PXDNL: variants seen among roughly 807,000 people sequenced by gnomAD.
PXDNL encodes peroxidasin like.
A neutral mutation model predicts 150.8 loss-of-function variants in PXDNL; 145 were observed. That is an observed-to-expected ratio of 0.96 (90% CI 0.84 to 1.10). The LOEUF (loss-of-function observed/expected upper bound fraction) is 1.10, where lower values mean the gene tolerates loss of function less well. Ranked by LOEUF, PXDNL falls within the 50% of genes least tolerant of loss-of-function variation. The pLI, the probability that PXDNL is intolerant of heterozygous loss-of-function variation, is 0.00. For synonymous variants in PXDNL, 757 were observed against 725.7 expected, an observed-to-expected ratio of 1.04 and a Z score of -0.69; for missense variants, 2,087 against 1,873.9, an observed-to-expected ratio of 1.11 and a Z score of -2.10.
intron 17 of PXDNL, among the ~76,000 whole-genome samples, chr8:51,393,552 G>T (rs1379546120): frequency 6.6e-6 from 1 of 152,226 alleles, no homozygotes; most frequent in Non-Finnish European, 1.5e-5. Flanking sequence ...ACAAACATTG[G>T]CAGTTGCGTA....
intron 17 of PXDNL, among the ~76,000 whole-genome samples, chr8:51,393,057 T>G (rs1807961694): frequency 6.6e-6 from 1 of 152,232 alleles, no homozygotes; most frequent in African/African-American, 2.4e-5. Flanking sequence ...TCTCCTGTGT[T>G]TTCATTCTGA....
intron 1 of PXDNL, among the ~76,000 whole-genome samples, chr8:51,755,004 A>G (rs1227740998): frequency 1.3e-5 from 2 of 152,086 alleles, no homozygotes; most frequent in African/African-American, 2.4e-5. Context: ...GAGCCTAGGC[A>G]CCCTGCACTG....
At chr8:51,498,744 T>C (rs1811112972) in intron 5 of PXDNL, among the ~76,000 whole-genome samples, 1 of 152,194 alleles carries the variant, frequency 6.6e-6, no homozygotes. Flanking sequence ...ATGGCCTCTC[T>C]CCTACTAAAG....
chr8:51,460,994 G>GCTGCTCCCAA (rs1017792942), intron 8 of PXDNL, among the ~76,000 whole-genome samples: 1 of 152,094 alleles, frequency 6.6e-6, no homozygotes, highest in Non-Finnish European at 1.5e-5. Context: ...ACCCTCCCAA[G>GCTGCTCCCAA]GCACCCACCC....
chr8:51,390,211 C>T (rs1807850686), intron 17 of PXDNL, among the ~76,000 whole-genome samples: 1 of 152,170 alleles, frequency 6.6e-6, no homozygotes, highest in South Asian at 2.1e-4. Flanking sequence ...ACTCAATTCA[C>T]TCTTTAAAAA....
Position 51,744,952 on chromosome 8 carries a change from GAAAGAAAGAAAGA to G in PXDNL, c.164+64216_164+64228del, listed in dbSNP as rs1353322287. Among the ~76,000 whole-genome samples, 37 of 39,302 alleles carry G rather than the reference GAAAGAAAGAAAGA, an allele frequency of 9.4e-4. 2 individuals are homozygous for G. The highest frequency in any genetic ancestry group is 2.2e-3 in the African/African-American group (35 of 15,742). The allele number at this position is 39,302 out of a possible 152,430, so 25.8% of individuals were successfully genotyped here. On this transcript the variant is annotated intron_variant, in intron 1 of 22. Coordinates refer to ENST00000356297, the MANE Select transcript of PXDNL (RefSeq NM_144651.5). ...AAAAAGAAAGAAAGAAAGAAAGAAA[GAAAGAAAGAAAGA>G]AAGAAAGAAAGAAAGAAAGAAAGAA...
chr8:51,641,302 T>G (rs908618981), intron 2 of PXDNL, among the ~76,000 whole-genome samples: 1 of 151,080 alleles, frequency 6.6e-6, no homozygotes, highest in African/African-American at 2.5e-5. Flanking sequence ...GGGCAAGGAC[T>G]TCATGTCTAA....
At chr8:51,494,871 C>G (rs1002039508) in intron 5 of PXDNL, among the ~76,000 whole-genome samples, 1 of 151,834 alleles carries the variant, frequency 6.6e-6, no homozygotes, top group Non-Finnish European at 1.5e-5. Flanking sequence ...GACAGATCAA[C>G]GAGACAGAAA....
At chr8:51,647,347 C>G (rs1034908126) in intron 2 of PXDNL, among the ~76,000 whole-genome samples, 2 of 151,988 alleles carry the variant, frequency 1.3e-5, no homozygotes, top group African/African-American at 4.8e-5. Flanking sequence ...AGAAGTTGGG[C>G]CAAGGGGGAA....
intron 19 of PXDNL, among the ~76,000 whole-genome samples, chr8:51,361,241 A>G (rs1270258551): frequency 1.3e-5 from 2 of 152,206 alleles, no homozygotes; most frequent in African/African-American, 4.8e-5. Context: ...GTTGGATCTG[A>G]TATTAACTGG....
intron 2 of PXDNL, among the ~76,000 whole-genome samples, chr8:51,631,319 A>G (rs1464162138): frequency 6.6e-6 from 1 of 152,112 alleles, no homozygotes; most frequent in Non-Finnish European, 1.5e-5. Flanking sequence ...TTGAGAAACT[A>G]CCTATTGGGT....
chr8:51,658,068 G>A (rs571965401), intron 1 of PXDNL, among the ~76,000 whole-genome samples: 3 of 152,246 alleles, frequency 2.0e-5, no homozygotes, highest in Non-Finnish European at 4.4e-5. Context: ...GCTGGGCTGG[G>A]TGCAGTAGCT....
chr8:51,770,627 T>C (rs943040672), intron 1 of PXDNL, among the ~76,000 whole-genome samples: 2 of 152,228 alleles, frequency 1.3e-5, no homozygotes, highest in Admixed American at 6.5e-5. Flanking sequence ...TTCGGCAGGA[T>C]CTGAGATGTC....
At chr8:51,363,060 C>T (rs1054683111) in intron 19 of PXDNL, among the ~76,000 whole-genome samples, 19 of 152,254 alleles carry the variant, frequency 1.2e-4, no homozygotes, top group Middle Eastern at 3.4e-3. Flanking sequence ...CAGCTACCAG[C>T]CAGAATCAAG....
chr8:51,338,182 CAAAAAAA>C (rs757946882), intron 21 of PXDNL, among the ~76,000 whole-genome samples: 2 of 90,010 alleles, frequency 2.2e-5, no homozygotes, highest in Non-Finnish European at 5.0e-5. Flanking sequence ...GACTCCATCT[CAAAAAAA>C]AAAAAAAAAA....
chr8:51,556,932 C>A, intron 3 of PXDNL, 21 bp from the exon 4 acceptor site: 2 of 1,376,206 alleles, frequency 1.5e-6, no homozygotes, highest in South Asian at 1.2e-5. Flanking sequence ...TATAGAATGT[C>A]ATTAAATTAT....
intron 7 of PXDNL, among the ~76,000 whole-genome samples, chr8:51,474,733 G>T (rs76208452): frequency 1.3e-5 from 2 of 152,062 alleles, no homozygotes; most frequent in African/African-American, 4.8e-5. Flanking sequence ...CTGAAATTAC[G>T]GAAATTAGAT....
At chr8:51,600,070 C>T (rs1813663821) in intron 2 of PXDNL, among the ~76,000 whole-genome samples, 1 of 136,556 alleles carries the variant, frequency 7.3e-6, no homozygotes, top group African/African-American at 2.7e-5. Flanking sequence ...TAAATTATAC[C>T]TTATATAAAT....
rs148422960 is a variant in PXDNL, at chr8:51,755,324, C to T, written c.164+53857G>A. Reference sequence around the variant, plus strand: ...TTTTTTTTTTTTTGAGACAGAGTCTCGCTGTTGTCGCCCAGGCTGGAGTGC... The same window carrying T: ...TTTTTTTTTTTTTGAGACAGAGTCTTGCTGTTGTCGCCCAGGCTGGAGTGC... On this transcript the variant is annotated intron_variant, in intron 1 of 22. Coordinates refer to ENST00000356297, the MANE Select transcript of PXDNL (RefSeq NM_144651.5). Among the ~76,000 whole-genome samples the T allele has an allele frequency of 2.8e-3, 417 of 150,244 alleles. 3 individuals are homozygous for T. Among genetic ancestry groups the T allele is most frequent in the Admixed American group, 0.021 (323 of 15,136 alleles).
Sources: gnomAD v4.1 joint callset for allele counts (sites outside exome capture counted in the v4.1 genomes callset) on GRCh38, gnomAD v4.1.1 for gene constraint, MANE v1.5 for transcripts, NCBI Gene and HGNC (gene_info 2026-07-23, HGNC 2026-07-21) for gene names.